CSTF1: variants seen among roughly 807,000 people sequenced by gnomAD.
CSTF1 encodes CF-1 50 kDa subunit.
Under a neutral mutation model 40.9 loss-of-function variants are expected in CSTF1, and 2 were observed. The ratio of observed to expected loss-of-function variants is 0.05; its 90% confidence interval spans 0.02 to 0.15. The LOEUF (loss-of-function observed/expected upper bound fraction) is 0.15. Ranked by LOEUF, CSTF1 falls within the 10% of genes least tolerant of loss-of-function variation. CSTF1 has a pLI of 1.00. For missense variants in CSTF1, 279 were observed against 558.9 expected (o/e 0.50, Z 5.05); for synonymous variants, 218 against 207.2 (o/e 1.05, Z -0.45).
intron 5 of CSTF1, among the ~76,000 whole-genome samples, chr20:56,400,461 C>A (rs2046981836): frequency 6.6e-6 from 1 of 152,174 alleles, no homozygotes. Flanking sequence ...TGTGAAAGTA[C>A]TCCCCCTATA....
rs367810650 is a variant in CSTF1, at chr20:56,395,647, A to G, written c.95A>G (p.Asn32Ser). 16 of 1,614,194 alleles carry G rather than the reference A, an allele frequency of 9.9e-6. No homozygotes were observed. Among genetic ancestry groups the G allele is most frequent in the Admixed American group, 1.7e-5 (1 of 60,012 alleles). ...TATGACGGCTACATCAGCATCGCCA[A>G]TGGCCTCATCAATGAAATCAAGCCT... ...LLYDGYISIANGLINEIKPQS... is the reference protein window; with the variant it reads ...LLYDGYISIASGLINEIKPQS... The change falls in exon 2 of 6, where the codon AAT (asparagine) becomes AGT (serine). Residue 32 changes from asparagine (N) to serine (S), a missense_variant. This residue lies in a region of CSTF1 where 51 missense variants were observed against 55.0 expected (regional missense o/e 0.93). Coordinates refer to ENST00000217109, the MANE Select transcript of CSTF1 (RefSeq NM_001324.3).
Position 56,397,183 on chromosome 20 carries a change from G to T in CSTF1, c.170-24G>T, listed in dbSNP as rs369072322. ...TAAGAAAAAACACTTGTTTTGTTAC[G>T]CCCTTAATTTTGATTTCTTTCAGGA... On this transcript the variant is annotated intron_variant, in intron 2 of 5. Transcript: ENST00000217109. This position sits in a 1 kb window ranked among gnomAD's most constrained non-coding sequence, Gnocchi z 4.4. 2.6e-5 allele frequency: 41 copies of T among 1,595,498 alleles called. No homozygotes were observed. Among genetic ancestry groups the T allele is most frequent in the Non-Finnish European group, 3.3e-5 (39 of 1,169,584 alleles).
chr20:56,393,894 T>C (rs1478477687), intron 1 of CSTF1, among the ~76,000 whole-genome samples: 1 of 152,170 alleles, frequency 6.6e-6, no homozygotes, highest in Non-Finnish European at 1.5e-5. Flanking sequence ...CCGCCTGCTG[T>C]TCTCCAGGTG....
Position 56,404,747 on chromosome 20 carries a change from A to G in CSTF1, c.*1020A>G, listed in dbSNP as rs1451618102. 4.2e-5 allele frequency: 6 copies of G among 143,928 alleles called. No homozygotes were observed. Among genetic ancestry groups the G allele is most frequent in the Non-Finnish European group, 9.0e-5 (6 of 66,778 alleles). The allele number at this position is 143,928 out of a possible 1,614,324, so 8.9% of individuals were successfully genotyped here. A position where few individuals can be genotyped will look rare whatever the true frequency, so the allele number is the denominator to read the frequency against. Reference sequence around the variant, plus strand: ...TGCAAGCTCCGCCTCCTGGTTTCACACCATTTTCCTGCCTCAGCCTCCCAA... The same window carrying G: ...TGCAAGCTCCGCCTCCTGGTTTCACGCCATTTTCCTGCCTCAGCCTCCCAA... On this transcript the variant is annotated 3_prime_UTR_variant, in exon 6 of 6. Coordinates refer to ENST00000217109, the MANE Select transcript of CSTF1 (RefSeq NM_001324.3).
rs1978693219 is a variant in CSTF1, at chr20:56,406,094, G to GT, written c.*2373dup. On this transcript the variant is annotated 3_prime_UTR_variant, in exon 6 of 6. Coordinates refer to ENST00000217109, the MANE Select transcript of CSTF1 (RefSeq NM_001324.3). ...ACTTTTATGTGTTTCAGAAGTAGCTGTTTTTTCATTTTTTGTGGGTTTGTT... is the reference window on the plus strand; with the variant it reads ...ACTTTTATGTGTTTCAGAAGTAGCTGTTTTTTTCATTTTTTGTGGGTTTGTT... 2 of 143,182 alleles carry GT rather than the reference G, an allele frequency of 1.4e-5. No individual in the cohort carries two copies. Among genetic ancestry groups the GT allele is most frequent in the South Asian group, 4.3e-4 (2 of 4,696 alleles). The allele number at this position is 143,182 out of a possible 1,614,324, so 8.9% of individuals were successfully genotyped here. A position where few individuals can be genotyped will look rare whatever the true frequency, so the allele number is the denominator to read the frequency against.
At chr20:56,401,060 T>C (rs968209980) in intron 5 of CSTF1, among the ~76,000 whole-genome samples, 1 of 151,842 alleles carries the variant, frequency 6.6e-6, no homozygotes, top group Non-Finnish European at 1.5e-5. Flanking sequence ...ATAATAATAA[T>C]TAGTTAGAAT....
intron 2 of CSTF1, chr20:56,396,014 A>C: frequency 3.7e-6 from 1 of 268,656 alleles, no homozygotes; most frequent in Non-Finnish European, 7.0e-6. Context: ...ATCAAATGTC[A>C]TCTGAGTTCT....
intron 5 of CSTF1, among the ~76,000 whole-genome samples, chr20:56,402,362 C>T (rs930201577): frequency 5.3e-5 from 8 of 151,030 alleles, no homozygotes; most frequent in South Asian, 4.2e-4. Context: ...TTAGATATTT[C>T]GAAAGAGTAT....
chr20:56,398,876 A>G (rs1978337563), intron 4 of CSTF1, 91 bp from the exon 5 acceptor site: 2 of 1,222,452 alleles, frequency 1.6e-6, no homozygotes, highest in Non-Finnish European at 2.3e-6. Flanking sequence ...TGTTTTATAG[A>G]TTCTTTTCAT....
At chr20:56,401,117 T>C (rs1177347271) in intron 5 of CSTF1, among the ~76,000 whole-genome samples, 1 of 152,084 alleles carries the variant, frequency 6.6e-6, no homozygotes, top group African/African-American at 2.4e-5. Flanking sequence ...ATCAAAACTT[T>C]AGAAATTGGG....
intron 4 of CSTF1, among the ~76,000 whole-genome samples, chr20:56,398,682 TTGTC>T (rs1175553546): frequency 6.6e-6 from 1 of 152,240 alleles, no homozygotes; most frequent in Non-Finnish European, 1.5e-5. Context: ...GAATGTGTCA[TTGTC>T]TGATAATACT....
Position 56,399,341 on chromosome 20 carries a change from A to G in CSTF1, c.1020A>G (p.Thr340=). The change falls in exon 5 of 6, where the codon ACA becomes ACG. Residue 340 remains threonine (T), a synonymous_variant. Transcript: ENST00000217109. The surrounding 1 kb of genome is among the most constrained non-coding windows in gnomAD (Gnocchi z 4.6). ...AKLWEISTGR[T]LVRYTGAGLS... ...TTTGGGAAATATCAACGGGACGAAC[A>G]CTGGTCAGATACACGGGTATGTGAG... 6.2e-7 allele frequency: 1 copy of G among 1,611,364 alleles called. No homozygotes were observed. Among genetic ancestry groups the G allele is most frequent in the Non-Finnish European group, 8.5e-7 (1 of 1,178,322 alleles).
intron 1 of CSTF1, among the ~76,000 whole-genome samples, chr20:56,394,952 T>A (rs542108421): frequency 8.5e-4 from 130 of 152,350 alleles, no homozygotes; most frequent in Middle Eastern, 3.4e-3. Context: ...GTTTTTGTAG[T>A]ACAGTTGCTT....
Position 56,395,541 on chromosome 20 carries a change from C to T in CSTF1, c.-12C>T, listed in dbSNP as rs750668111. The T allele has an allele frequency of 2.5e-6, 4 of 1,608,010 alleles. No individual in the cohort carries two copies. The highest frequency in any genetic ancestry group is 3.4e-5 in the Admixed American group (2 of 59,164). Reference sequence around the variant, plus strand: ...TGCAGCTGGCAGGGAAACTGTCTTCCTTTTCTCCAAGATGTACAGAACCAA... The same window carrying T: ...TGCAGCTGGCAGGGAAACTGTCTTCTTTTTCTCCAAGATGTACAGAACCAA... On this transcript the variant is annotated 5_prime_UTR_variant, in exon 2 of 6. Coordinates refer to ENST00000217109, the MANE Select transcript of CSTF1 (RefSeq NM_001324.3).
rs555093656 is a variant in CSTF1, at chr20:56,401,478, A to G, written c.1037-1990A>G. 2.2e-4 allele frequency among the ~76,000 whole-genome samples: 33 copies of G among 152,334 alleles called. 1 individual carries two copies. The highest frequency in any genetic ancestry group is 1.0e-3 in the South Asian group (5 of 4,824). ...TTTTGTTGGTCAGAGTCAGCTGGTA[A>G]AATATTTCAGCACAGTTTGGTGTCA... On this transcript the variant is annotated intron_variant, in intron 5 of 5. Coordinates refer to ENST00000217109, the MANE Select transcript of CSTF1 (RefSeq NM_001324.3).
At position 56,403,798 on chromosome 20, in the gene CSTF1, C is replaced by T. The variant is rs1402481432; in HGVS notation, c.*71C>T. On this transcript the variant is annotated 3_prime_UTR_variant, in exon 6 of 6. Coordinates refer to ENST00000217109, the MANE Select transcript of CSTF1 (RefSeq NM_001324.3). ...CCCCACGTCCTGTCTCAGCTGCAGT[C>T]GTAAGTCCGTGCACCATCCTTGACG... is the stretch of plus-strand genomic sequence containing the variant. 12 of 1,482,450 alleles carry T rather than the reference C, an allele frequency of 8.1e-6. No individual in the cohort carries two copies. The highest frequency in any genetic ancestry group is 5.5e-5 in the African/African-American group (4 of 72,462). 91.8% of individuals were successfully genotyped at this position (1,482,450 alleles called of 1,614,324 possible). A position where few individuals can be genotyped will look rare whatever the true frequency, so the allele number is the denominator to read the frequency against.
rs1334007510 is a variant in CSTF1 at position 56,397,008 on chromosome 20, A to G, written c.170-199A>G. 1.0e-5 allele frequency: 6 copies of G among 576,156 alleles called. No homozygotes were observed. Among genetic ancestry groups the G allele is most frequent in the African/African-American group, 9.4e-5 (5 of 53,160 alleles). The allele number at this position is 576,156 out of a possible 1,614,324, so 35.7% of individuals were successfully genotyped here. Reference sequence around the variant, plus strand: ...TTGGAGCCTAACCTTCCAGCAACCCATGTGGCCTCACAGCGTGGTGAACTT... The same window carrying G: ...TTGGAGCCTAACCTTCCAGCAACCCGTGTGGCCTCACAGCGTGGTGAACTT... On this transcript the variant is annotated intron_variant, in intron 2 of 5. Coordinates refer to ENST00000217109, the MANE Select transcript of CSTF1 (RefSeq NM_001324.3). The surrounding 1 kb of genome is among the most constrained non-coding windows in gnomAD (Gnocchi z 4.4).
intron 5 of CSTF1, among the ~76,000 whole-genome samples, chr20:56,402,771 C>CTAAA (rs1385427382): frequency 6.6e-6 from 1 of 151,610 alleles, no homozygotes; most frequent in Non-Finnish European, 1.5e-5. Context: ...CCTGTCTTTA[C>CTAAA]TAAAAATACA....
rs1365002955 is a variant in CSTF1, at chr20:56,393,159, T to C, written c.-33+446T>C. 4.3e-3 allele frequency among the ~76,000 whole-genome samples: 545 copies of C among 126,012 alleles called. 4 individuals carry two copies. The highest frequency in any genetic ancestry group is 0.016 in the African/African-American group (516 of 31,814). 82.7% of individuals were successfully genotyped at this position (126,012 alleles called of 152,430 possible). A position where few individuals can be genotyped will look rare whatever the true frequency, so the allele number is the denominator to read the frequency against. ...ACACACACACACATATACATATATA[T>C]ACACACACATATGTGTGTGTGTGTG... On this transcript the variant is annotated intron_variant, in intron 1 of 5. Coordinates refer to ENST00000217109, the MANE Select transcript of CSTF1 (RefSeq NM_001324.3).
Sources: gnomAD v4.1 joint callset for allele counts (sites outside exome capture counted in the v4.1 genomes callset) on GRCh38, gnomAD v4.1.1 for gene constraint, gnomAD v4.1.1 regional missense constraint, Gnocchi (gnomAD v3.1) non-coding constraint, MANE v1.5 for transcripts, NCBI Gene and HGNC (gene_info 2026-07-23, HGNC 2026-07-21) for gene names.